The following AXDND1 variants were observed in gnomAD, a reference collection of about 807,000 sequenced individuals.
The protein encoded by AXDND1 is axonemal dynein light chain domain-containing protein 1.
AXDND1 carries 110 observed loss-of-function variants against 137.5 expected under a neutral mutation model. The observed-to-expected ratio is 0.80, with a 90% CI of 0.69 to 0.94. The LOEUF is 0.94. Ranked by LOEUF, AXDND1 falls within the 40% of genes least tolerant of loss-of-function variation. The pLI, the probability that AXDND1 is intolerant of heterozygous loss-of-function variation, is 0.00. For synonymous variants in AXDND1, 414 were observed against 399.7 expected (o/e 1.04, Z -0.43); for missense variants, 1,191 against 1,169.8 (o/e 1.02, Z -0.26).
At chr1:179,408,383 CTT>C (rs998752586) in intron 11 of AXDND1, among the ~76,000 whole-genome samples, 2 of 144,696 alleles carry the variant, frequency 1.4e-5, no homozygotes, top group African/African-American at 2.5e-5. Flanking sequence ...ATGAAAAATT[CTT>C]TTTTTTTTTT....
rs745557582 is a variant in AXDND1, at chr1:179,430,586, C to T, written c.1467C>T (p.Ile489=). 3.1e-6 allele frequency: 5 copies of T among 1,611,908 alleles called. No homozygotes were observed. Among genetic ancestry groups the T allele is most frequent in the Non-Finnish European group, 3.4e-6 (4 of 1,179,448 alleles). ...ETLKIVKDGL[I]KWQEFFNEKD... ...TGAAAATTGTTAAGGATGGGCTTAT[C>T]AAATGGCAGGAGTTCTTCAAGTGAG... The change falls in exon 14 of 26, where the codon ATC becomes ATT. Residue 489 remains isoleucine (I), a synonymous_variant. Transcript: ENST00000367618.
At chr1:179,434,591 A>G (rs1007762364) in intron 15 of AXDND1, among the ~76,000 whole-genome samples, 1 of 152,210 alleles carries the variant, frequency 6.6e-6, no homozygotes, top group Non-Finnish European at 1.5e-5. Context: ...AACAGAACCA[A>G]TGACAAAACC....
intron 17 of AXDND1, among the ~76,000 whole-genome samples, chr1:179,476,795 G>T (rs1463264157): frequency 3.3e-5 from 5 of 151,982 alleles, no homozygotes; most frequent in Non-Finnish European, 7.4e-5. Context: ...TCGTTATTTT[G>T]ACTTCTAGCA....
At chr1:179,378,322 G>T (rs958307547) in intron 4 of AXDND1, among the ~76,000 whole-genome samples, 3 of 152,154 alleles carry the variant, frequency 2.0e-5, no homozygotes, top group Non-Finnish European at 4.4e-5. Context: ...AGACTCCTGA[G>T]GATATGGGCA....
At chr1:179,408,536 A>AC (rs1392697222) in intron 11 of AXDND1, among the ~76,000 whole-genome samples, 1 of 151,968 alleles carries the variant, frequency 6.6e-6, no homozygotes, top group East Asian at 1.9e-4. Flanking sequence ...ACATGCCATC[A>AC]CACCTGGTGA....
intron 16 of AXDND1, chr1:179,457,317 G>A (rs1305548750): frequency 3.2e-6 from 2 of 621,906 alleles, no homozygotes; most frequent in African/African-American, 1.8e-5. Flanking sequence ...CTCTTTAGGA[G>A]ACTCTGAGTT....
chr1:179,396,340 A>G (rs1651058102), intron 11 of AXDND1, among the ~76,000 whole-genome samples: 1 of 152,026 alleles, frequency 6.6e-6, no homozygotes, highest in African/African-American at 2.4e-5. Flanking sequence ...TTTTACTATA[A>G]TACATAGTTA....
chr1:179,529,256 A>T (rs548017746), intron 23 of AXDND1, among the ~76,000 whole-genome samples: 1 of 152,322 alleles, frequency 6.6e-6, no homozygotes, highest in South Asian at 2.1e-4. Flanking sequence ...GTGTATGTTC[A>T]TATTGTGCAT....
chr1:179,382,662 T>A, intron 6 of AXDND1, 38 bp from the exon 7 acceptor site: 2 of 1,504,988 alleles, frequency 1.3e-6, no homozygotes, highest in Admixed American at 1.7e-5. Context: ...GCCAGAAAAT[T>A]TTCTTAAAAT....
At chr1:179,369,576 C>T (rs1401827390) in intron 3 of AXDND1, among the ~76,000 whole-genome samples, 5 of 151,980 alleles carry the variant, frequency 3.3e-5, no homozygotes, top group Non-Finnish European at 5.9e-5. Context: ...CACTTGAACC[C>T]GGGAGGCAGA....
intron 17 of AXDND1, among the ~76,000 whole-genome samples, chr1:179,476,348 G>A (rs1007900310): frequency 2.6e-5 from 4 of 152,226 alleles, no homozygotes; most frequent in Admixed American, 1.3e-4. Context: ...CCAACAATAT[G>A]TCCTATGTTA....
chr1:179,408,182 T>G (rs1653271541), intron 11 of AXDND1, among the ~76,000 whole-genome samples: 1 of 152,186 alleles, frequency 6.6e-6, no homozygotes, highest in Non-Finnish European at 1.5e-5. Context: ...CCTGATTTAT[T>G]TGTGTTCTTT....
intron 22 of AXDND1, 79 bp downstream of exon 22, chr1:179,525,526 C>T (rs1670451320): frequency 6.9e-7 from 1 of 1,446,886 alleles, no homozygotes; most frequent in Admixed American, 2.4e-5. Context: ...AGACAGGGTC[C>T]TGCCCTGTCA....
intron 11 of AXDND1, among the ~76,000 whole-genome samples, chr1:179,404,834 T>C (rs1204380771): frequency 6.6e-6 from 1 of 152,124 alleles, no homozygotes; most frequent in African/African-American, 2.4e-5. Context: ...AGAATTGGTG[T>C]TTATTCTTTC....
chr1:179,527,222 A>G (rs1670611719), intron 22 of AXDND1, among the ~76,000 whole-genome samples: 1 of 152,166 alleles, frequency 6.6e-6, no homozygotes, highest in Admixed American at 6.5e-5. Flanking sequence ...TGACATTGCC[A>G]TGGCATTTGT....
At chr1:179,533,626 C>CTTTTTTTTTTT (rs66461504) in intron 23 of AXDND1, among the ~76,000 whole-genome samples, 169 bp from the exon 24 acceptor site, 1 of 136,236 alleles carries the variant, frequency 7.3e-6, no homozygotes, top group Non-Finnish European at 1.6e-5. Flanking sequence ...GAGACAATCC[C>CTTTTTTTTTTT]TTTTTTTTTT....
chr1:179,437,068 T>TG (rs1209506125), intron 15 of AXDND1, among the ~76,000 whole-genome samples: 14 of 84,888 alleles, frequency 1.6e-4, no homozygotes, highest in Non-Finnish European at 2.4e-5. Flanking sequence ...AGACACTCAC[T>TG]GAAAAAAAAA....
At chr1:179,513,217 T>C (rs908808302) in intron 21 of AXDND1, among the ~76,000 whole-genome samples, 3 of 152,230 alleles carry the variant, frequency 2.0e-5, no homozygotes, top group Non-Finnish European at 4.4e-5. Context: ...AGATGGCTTT[T>C]AATACATTGA....
chr1:179,399,568 A>G (rs1013747386), intron 11 of AXDND1, among the ~76,000 whole-genome samples: 1 of 152,218 alleles, frequency 6.6e-6, no homozygotes, highest in Non-Finnish European at 1.5e-5. Context: ...AAACAAAGAT[A>G]TATATCTGGG....
Sources: allele counts gnomAD v4.1 joint callset (sites outside exome capture counted in the v4.1 genomes callset), GRCh38; gene constraint gnomAD v4.1.1; transcripts MANE v1.5; gene names NCBI Gene and HGNC (gene_info 2026-07-23, HGNC 2026-07-21).